SDK1: variants seen among roughly 807,000 people sequenced by gnomAD.
SDK1 encodes protein sidekick-1.
In SDK1, 157 loss-of-function variants were observed where a neutral mutation model predicts 245.5. The observed-to-expected ratio is 0.64, with a 90% CI of 0.56 to 0.73. The LOEUF (loss-of-function observed/expected upper bound fraction) is 0.73, where lower values mean the gene tolerates loss of function less well. Among genes scored for constraint, SDK1 ranks in the 30% least tolerant of loss-of-function variants. The pLI is 0.00. For missense variants in SDK1, 3,583 were observed against 3,002.3 expected (o/e 1.19, Z -4.52); for synonymous variants, 1,647 against 1,278.5 (o/e 1.29, Z -6.15).
At chr7:3,673,077 A>G (rs1783771578) in intron 4 of SDK1, among the ~76,000 whole-genome samples, 1 of 152,116 alleles carries the variant, frequency 6.6e-6, no homozygotes. Context: ...GTATGAAGAT[A>G]CTTCCTTGTA....
chr7:3,460,166 T>C (rs1420126635), intron 1 of SDK1, among the ~76,000 whole-genome samples: 3 of 152,336 alleles, frequency 2.0e-5, no homozygotes, highest in East Asian at 3.9e-4. Flanking sequence ...ATCTTTTTGA[T>C]GGGAAAATGC....
At chr7:3,816,494 A>G (rs966208274) in intron 4 of SDK1, among the ~76,000 whole-genome samples, 4 of 150,814 alleles carry the variant, frequency 2.7e-5, no homozygotes, top group African/African-American at 9.9e-5. Flanking sequence ...TAGAAAATCT[A>G]TAAGAAATGG....
At chr7:3,404,343 C>T (rs66546301) in intron 1 of SDK1, among the ~76,000 whole-genome samples, 24,692 of 152,018 alleles carry the variant, frequency 0.16, 3,248 homozygotes, top group African/African-American at 0.36. Context: ...AGATTTCTTC[C>T]GGTGTATGGC....
chr7:4,089,093 AAGACCCTCTCTCAGGCGGAGGTG>A (rs1781620649), intron 22 of SDK1, among the ~76,000 whole-genome samples: 2 of 137,722 alleles, frequency 1.5e-5, no homozygotes, highest in Non-Finnish European at 3.0e-5. Flanking sequence ...AGGCGGAGGT[AAGACCCTCTCTCAGGCGGAGGTG>A]AGACCCTCCC....
rs764293012 is a variant in SDK1 at position 3,969,248 on chromosome 7, G to C, written c.1547-9G>C. On this transcript the variant is annotated splice_polypyrimidine_tract_variant and intron_variant, in intron 10 of 44. Coordinates refer to ENST00000404826, the MANE Select transcript of SDK1 (RefSeq NM_152744.4). ...CTGTAACATGCCTCTTTTCTCCACT[G>C]TTCTTTAGAAAACCACATTCTGGCC... 1.9e-5 allele frequency: 30 copies of C among 1,586,574 alleles called. 1 individual carries two copies. The South Asian group carries it at 3.5e-4, about 19-fold the overall frequency.
chr7:3,633,104 G>T (rs1782347893), intron 2 of SDK1, among the ~76,000 whole-genome samples: 1 of 151,878 alleles, frequency 6.6e-6, no homozygotes, highest in Admixed American at 6.6e-5. Context: ...GATAAGAATA[G>T]GCTTTGGTCC....
intron 1 of SDK1, among the ~76,000 whole-genome samples, chr7:3,393,900 G>T (rs1381803941): frequency 1.3e-5 from 2 of 152,106 alleles, no homozygotes; most frequent in Non-Finnish European, 2.9e-5. Flanking sequence ...GATGCTTGTG[G>T]ATGTTTGTCA....
intron 5 of SDK1, among the ~76,000 whole-genome samples, chr7:3,869,832 C>A (rs575328676): frequency 7.2e-5 from 11 of 152,362 alleles, no homozygotes; most frequent in Admixed American, 5.9e-4. Context: ...ACCAACCTAA[C>A]ACGTTGCTTG....
chr7:3,899,504 T>C (rs973568913), intron 5 of SDK1, among the ~76,000 whole-genome samples: 4 of 152,214 alleles, frequency 2.6e-5, no homozygotes, highest in African/African-American at 9.6e-5. Flanking sequence ...CCCTACAGCA[T>C]TGGTGGGAAG....
intron 1 of SDK1, among the ~76,000 whole-genome samples, chr7:3,360,874 T>C (rs1780932937): frequency 2.7e-5 from 3 of 112,498 alleles, no homozygotes; most frequent in African/African-American, 1.3e-4. Context: ...ATATTGGAGA[T>C]AGTACTGCCT....
At chr7:4,190,474 G>T (rs1204631214) in intron 35 of SDK1, among the ~76,000 whole-genome samples, 2 of 152,336 alleles carry the variant, frequency 1.3e-5, no homozygotes, top group South Asian at 4.1e-4. Flanking sequence ...TCCGCAGGGG[G>T]CTCCCCGGGC....
intron 1 of SDK1, among the ~76,000 whole-genome samples, chr7:3,435,290 A>G (rs952155469): frequency 2.1e-5 from 2 of 94,580 alleles, no homozygotes; most frequent in African/African-American, 8.7e-5. Flanking sequence ...AAATCCACCT[A>G]TTTTGATACT....
chr7:3,668,979 A>C (rs1268325985), intron 4 of SDK1, among the ~76,000 whole-genome samples: 1 of 152,134 alleles, frequency 6.6e-6, no homozygotes, highest in African/African-American at 2.4e-5. Flanking sequence ...CTGGTAAGGA[A>C]TGTTGCTGTG....
intron 1 of SDK1, among the ~76,000 whole-genome samples, chr7:3,377,864 C>T (rs976632383): frequency 5.3e-5 from 8 of 152,080 alleles, no homozygotes; most frequent in Admixed American, 3.3e-4. Flanking sequence ...CTGCAACCTC[C>T]GCCTCCTGGG....
intron 7 of SDK1, 37 bp from the exon 8 acceptor site, chr7:3,958,894 T>G (rs761175693): frequency 1.3e-6 from 2 of 1,533,190 alleles, no homozygotes; most frequent in Admixed American, 1.7e-5. Context: ...ATATCCTTCT[T>G]TGGCTTAGGG....
intron 1 of SDK1, among the ~76,000 whole-genome samples, chr7:3,326,285 T>C (rs911564639): frequency 2.3e-4 from 35 of 152,194 alleles, no homozygotes; most frequent in African/African-American, 8.4e-4. Context: ...AAAGTGTACA[T>C]ATCTAATGGG....
chr7:3,723,827 T>TACACGTGTATATACACGTACATATACAC (rs1778908438), intron 4 of SDK1, among the ~76,000 whole-genome samples: 2 of 146,824 alleles, frequency 1.4e-5, no homozygotes, highest in Non-Finnish European at 3.0e-5. Context: ...TACATATACA[T>TACACGTGTATATACACGTACATATACAC]ATACACGTGT....
chr7:3,444,433 A>G (rs531582814), intron 1 of SDK1, among the ~76,000 whole-genome samples: 1 of 152,102 alleles, frequency 6.6e-6, no homozygotes, highest in Non-Finnish European at 1.5e-5. Context: ...TGCTTAATGA[A>G]TATTTATTGA....
chr7:3,997,832 G>C (rs1468696626), intron 14 of SDK1, among the ~76,000 whole-genome samples: 1 of 152,166 alleles, frequency 6.6e-6, no homozygotes, highest in Non-Finnish European at 1.5e-5. Context: ...CTTCTGCCCA[G>C]GAGTCTGTCT....
Sources: allele counts gnomAD v4.1 joint callset (sites outside exome capture counted in the v4.1 genomes callset), GRCh38; gene constraint gnomAD v4.1.1; transcripts MANE v1.5; gene names NCBI Gene and HGNC (gene_info 2026-07-23, HGNC 2026-07-21).